The following RNLS variants were observed in gnomAD, a reference collection of about 807,000 sequenced individuals.
RNLS encodes renalase, FAD dependent amine oxidase.
Under a neutral mutation model 39.8 loss-of-function variants are expected in RNLS, and 39 were observed. The ratio of observed to expected loss-of-function variants is 0.98; its 90% CI spans 0.76 to 1.28. The LOEUF is 1.28. Among genes scored for constraint, RNLS ranks in the 50% most tolerant of loss-of-function variants. RNLS has a pLI of 0.00. For missense variants in RNLS, 410 were observed against 413.3 expected (o/e 0.99, Z 0.07); for synonymous variants, 147 against 150.7 (o/e 0.98, Z 0.18).
intron 4 of RNLS, among the ~76,000 whole-genome samples, chr10:88,378,096 C>T (rs1352546929): frequency 6.6e-6 from 1 of 152,048 alleles, no homozygotes; most frequent in African/African-American, 2.4e-5. Flanking sequence ...TACTGTCCCA[C>T]TAGAAGGTCT....
At chr10:88,335,868 T>C (rs1847452179) in intron 5 of RNLS, among the ~76,000 whole-genome samples, 1 of 152,248 alleles carries the variant, frequency 6.6e-6, no homozygotes, top group African/African-American at 2.4e-5. Context: ...TGTTTTATTC[T>C]TTTACTATTA....
intron 5 of RNLS, among the ~76,000 whole-genome samples, chr10:88,319,592 A>T (rs1254692378): frequency 2.0e-5 from 3 of 152,180 alleles, no homozygotes; most frequent in African/African-American, 4.8e-5. Flanking sequence ...AAAAAAACCC[A>T]AACAATTAGA....
the RNLS span, among the ~76,000 whole-genome samples, chr10:88,217,738 GAAAAAA>G: frequency 1.0e-5 from 1 of 97,586 alleles, no homozygotes; most frequent in African/African-American, 4.4e-5. Context: ...GCCTTCAAAT[GAAAAAA>G]AAAAAAAAAA....
At chr10:88,172,715 T>C in the RNLS span, among the ~76,000 whole-genome samples, 1 of 151,530 alleles carries the variant, frequency 6.6e-6, no homozygotes, top group Non-Finnish European at 1.5e-5. Context: ...TTTTGTTGCC[T>C]GTGCTTTTGA....
chr10:88,393,973 G>A (rs921831041), intron 4 of RNLS, among the ~76,000 whole-genome samples: 1 of 152,152 alleles, frequency 6.6e-6, no homozygotes, highest in African/African-American at 2.4e-5. Context: ...ATGGTGCTGG[G>A]AAAACTGGCT....
At chr10:88,206,587 CTGG>C in the RNLS span, among the ~76,000 whole-genome samples, 1 of 152,112 alleles carries the variant, frequency 6.6e-6, no homozygotes, top group Non-Finnish European at 1.5e-5. Flanking sequence ...ACAGAAAATT[CTGG>C]TTTTTCTCTG....
chr10:88,557,665 C>T (rs1392817236), intron 4 of RNLS, among the ~76,000 whole-genome samples: 1 of 152,108 alleles, frequency 6.6e-6, no homozygotes, highest in Admixed American at 6.6e-5. Flanking sequence ...GAATTCCCTA[C>T]TTTAAAATTA....
downstream of RNLS, among the ~76,000 whole-genome samples, chr10:88,273,612 C>T (rs1842710630): frequency 6.6e-6 from 1 of 152,148 alleles, no homozygotes; most frequent in African/African-American, 2.4e-5. Context: ...TTCCAGTTTT[C>T]CACTATCATA....
intron 4 of RNLS, among the ~76,000 whole-genome samples, chr10:88,459,004 C>A (rs1470087355): frequency 6.6e-6 from 1 of 152,186 alleles, no homozygotes; most frequent in Non-Finnish European, 1.5e-5. Context: ...AGAACTCTCA[C>A]TCAATGCTTC....
the RNLS span, among the ~76,000 whole-genome samples, chr10:88,180,109 C>T: frequency 6.6e-6 from 1 of 152,186 alleles, no homozygotes; most frequent in Non-Finnish European, 1.5e-5. Context: ...TCTGGAGTTG[C>T]ACTAGCTGTC....
chr10:88,379,940 C>T (rs983366487), intron 4 of RNLS, among the ~76,000 whole-genome samples: 1 of 152,166 alleles, frequency 6.6e-6, no homozygotes, highest in African/African-American at 2.4e-5. Context: ...TGTCCAGTCA[C>T]CTCCCAGCTT....
At chr10:88,299,312 G>A (rs1041745899) in intron 6 of RNLS, among the ~76,000 whole-genome samples, 1 of 151,890 alleles carries the variant, frequency 6.6e-6, no homozygotes, top group Non-Finnish European at 1.5e-5. Flanking sequence ...TATGGTTTGC[G>A]CTTTTCTGTG....
chr10:88,471,716 T>C (rs1843539693), intron 4 of RNLS, among the ~76,000 whole-genome samples: 1 of 152,162 alleles, frequency 6.6e-6, no homozygotes, highest in Non-Finnish European at 1.5e-5. Context: ...AGAAGGTACA[T>C]GTTTGGAAGT....
chr10:88,377,475 C>T (rs1851109053), intron 4 of RNLS, among the ~76,000 whole-genome samples: 1 of 152,080 alleles, frequency 6.6e-6, no homozygotes, highest in South Asian at 2.1e-4. Flanking sequence ...CTAGTATAAC[C>T]TACTACATAC....
chr10:88,580,256 T>C (rs1850460544), intron 3 of RNLS, among the ~76,000 whole-genome samples: 2 of 152,140 alleles, frequency 1.3e-5, no homozygotes, highest in South Asian at 4.1e-4. Flanking sequence ...ACATACCCTA[T>C]TGGTTCTGTT....
the RNLS span, among the ~76,000 whole-genome samples, chr10:88,173,148 G>A: frequency 7.6e-3 from 1,153 of 152,026 alleles, 11 homozygotes; most frequent in African/African-American, 0.025. Context: ...ATAAGCCACC[G>A]CGCCCGGCCG....
chr10:88,456,295 CA>C (rs1204430216), intron 4 of RNLS, among the ~76,000 whole-genome samples: 3 of 151,472 alleles, frequency 2.0e-5, no homozygotes, highest in Non-Finnish European at 4.4e-5. Context: ...ATTACTATTA[CA>C]ACTTTCCTTA....
At chr10:88,194,686 A>G in the RNLS span, among the ~76,000 whole-genome samples, 23 of 152,200 alleles carry the variant, frequency 1.5e-4, no homozygotes, top group African/African-American at 5.1e-4. Context: ...TTAAAAATGG[A>G]AATTTTGCGG....
At chr10:88,237,789 C>T in the RNLS span, among the ~76,000 whole-genome samples, 1,736 of 152,244 alleles carry the variant, frequency 0.011, 19 homozygotes, top group Non-Finnish European at 0.014. Context: ...TGTGCAAGAA[C>T]CATGTTGGAT....
Sources: allele counts gnomAD v4.1 joint callset (sites outside exome capture counted in the v4.1 genomes callset), GRCh38; gene constraint gnomAD v4.1.1; transcripts MANE v1.5; gene names NCBI Gene and HGNC (gene_info 2026-07-23, HGNC 2026-07-21).